Variants in SDCCAG8 observed in about 807,000 individuals in gnomAD.
The protein encoded by SDCCAG8 is serologically defined colon cancer antigen 8.
In SDCCAG8, 74 loss-of-function variants were observed where a neutral mutation model predicts 101.8. The ratio of observed to expected loss-of-function variants is 0.73; its 90% CI spans 0.60 to 0.88. The LOEUF is 0.88. Among genes scored for constraint, SDCCAG8 ranks in the 40% least tolerant of loss-of-function variants. The probability of loss-of-function intolerance (pLI) is 0.00; values close to 1 mark genes in which losing one functional copy is unlikely to be tolerated. For missense variants in SDCCAG8, 787 were observed against 822.6 expected, an observed-to-expected ratio of 0.96 and a Z score of 0.53; for synonymous variants, 281 against 292.9, an observed-to-expected ratio of 0.96 and a Z score of 0.41.
chr1:243,306,813 G>GT (rs955584452), intron 7 of SDCCAG8, among the ~76,000 whole-genome samples: 158 of 151,172 alleles, frequency 1.0e-3, no homozygotes, highest in South Asian at 2.1e-3. Flanking sequence ...CCATTCCAAA[G>GT]TTTTTTTTTA....
At position 243,378,792 on chromosome 1, in the gene SDCCAG8, C is replaced by T; in HGVS notation, c.1545C>T (p.Ala515=). 6.2e-7 allele frequency: 1 copy of T among 1,613,988 alleles called. No homozygotes were observed. Among genetic ancestry groups the T allele is most frequent in the East Asian group, 2.2e-5 (1 of 44,882 alleles). The change falls in exon 13 of 18, where the codon GCC becomes GCT. Residue 515 remains alanine (A), a synonymous_variant. Coordinates refer to ENST00000366541, the MANE Select transcript of SDCCAG8 (RefSeq NM_006642.5). ...TGGAACAGGAGCAGCAGAAGGCAGC[C>T]CTGGCCAGAGAGGAGTGCCTGAGAC... is the stretch of plus-strand genomic sequence containing the variant. The part of the protein sequence containing the change: ...QHLEQEQQKA[A]LAREECLRLT...
chr1:243,400,488 A>G (rs1368929954), intron 13 of SDCCAG8, among the ~76,000 whole-genome samples: 1 of 152,158 alleles, frequency 6.6e-6, no homozygotes, highest in African/African-American at 2.4e-5. Flanking sequence ...GAAAGAGTAG[A>G]TAGGTTGGTA....
intron 15 of SDCCAG8, among the ~76,000 whole-genome samples, chr1:243,422,910 A>G (rs1297928415): frequency 6.6e-6 from 1 of 152,184 alleles, no homozygotes; most frequent in Non-Finnish European, 1.5e-5. Context: ...TGAATTTTCT[A>G]TGAAAATGGA....
intron 1 of SDCCAG8, among the ~76,000 whole-genome samples, chr1:243,262,863 G>A (rs544521978): frequency 9.2e-5 from 14 of 152,326 alleles, no homozygotes; most frequent in African/African-American, 3.1e-4. Flanking sequence ...TGATGATGGC[G>A]GAACTTCATC....
intron 13 of SDCCAG8, among the ~76,000 whole-genome samples, chr1:243,410,393 G>T (rs1404811519): frequency 6.6e-6 from 1 of 152,118 alleles, no homozygotes; most frequent in Non-Finnish European, 1.5e-5. Context: ...TGCCCCTTCT[G>T]TCTGTATTCC....
At chr1:243,402,434 AC>A (rs1476727704) in intron 13 of SDCCAG8, among the ~76,000 whole-genome samples, 2 of 152,008 alleles carry the variant, frequency 1.3e-5, no homozygotes, top group African/African-American at 4.8e-5. Context: ...GCAAAAGGAA[AC>A]AGGTGAAATT....
At chr1:243,355,426 T>C (rs1044566754) in intron 12 of SDCCAG8, among the ~76,000 whole-genome samples, 3 of 151,998 alleles carry the variant, frequency 2.0e-5, no homozygotes, top group Admixed American at 2.0e-4. Context: ...TCATTGAAAA[T>C]TCCCATTAAA....
intron 16 of SDCCAG8, among the ~76,000 whole-genome samples, chr1:243,469,140 T>C (rs1660722569): frequency 6.6e-6 from 1 of 152,236 alleles, no homozygotes; most frequent in South Asian, 2.1e-4. Flanking sequence ...CACATATCAA[T>C]GATGATAACC....
At chr1:243,319,522 C>T (rs151307730) in intron 9 of SDCCAG8, among the ~76,000 whole-genome samples, 139 of 151,962 alleles carry the variant, frequency 9.1e-4, no homozygotes, top group African/African-American at 3.0e-3. Flanking sequence ...TACAGGCATG[C>T]GCCACCATGC....
chr1:243,489,540 A>G (rs1361225623), intron 17 of SDCCAG8, among the ~76,000 whole-genome samples: 1 of 152,188 alleles, frequency 6.6e-6, no homozygotes, highest in Non-Finnish European at 1.5e-5. Context: ...TTGAGGAAAG[A>G]GGTGTTCCCA....
At chr1:243,302,128 A>G (rs1479277594) in intron 6 of SDCCAG8, among the ~76,000 whole-genome samples, 19 of 152,076 alleles carry the variant, frequency 1.2e-4, no homozygotes, top group Non-Finnish European at 1.9e-4. Flanking sequence ...CGTGCCTGTA[A>G]TCCCAGCTAC....
intron 13 of SDCCAG8, among the ~76,000 whole-genome samples, chr1:243,392,294 T>C (rs1397381777): frequency 6.6e-6 from 1 of 152,244 alleles, no homozygotes; most frequent in East Asian, 1.9e-4. Flanking sequence ...AAGCTCTTTA[T>C]GGCAAGGCTA....
chr1:243,378,885 C>T (rs754654523), intron 13 of SDCCAG8, 22 bp downstream of exon 13: 55 of 1,613,722 alleles, frequency 3.4e-5, no homozygotes, highest in South Asian at 1.5e-4. Context: ...TCCCATTATG[C>T]GCCATAGCAC....
intron 12 of SDCCAG8, among the ~76,000 whole-genome samples, chr1:243,361,113 G>A (rs928145562): frequency 6.6e-6 from 1 of 152,062 alleles, no homozygotes; most frequent in Non-Finnish European, 1.5e-5. Context: ...TTCCTCTCAG[G>A]TTTATGTCAC....
intron 13 of SDCCAG8, among the ~76,000 whole-genome samples, chr1:243,414,974 C>T (rs1020647933): frequency 6.6e-6 from 1 of 151,954 alleles, no homozygotes; most frequent in Non-Finnish European, 1.5e-5. Flanking sequence ...AAGTTTCTCT[C>T]TTTGGAGCCA....
At chr1:243,370,412 T>G (rs1232948718) in intron 12 of SDCCAG8, among the ~76,000 whole-genome samples, 1 of 152,128 alleles carries the variant, frequency 6.6e-6, no homozygotes, top group East Asian at 1.9e-4. Flanking sequence ...TTTTTTTCCA[T>G]TTTTAGCAAA....
intron 16 of SDCCAG8, among the ~76,000 whole-genome samples, chr1:243,431,334 T>G (rs1463582629): frequency 6.6e-6 from 1 of 152,130 alleles, no homozygotes; most frequent in African/African-American, 2.4e-5. Context: ...CAGCAGGAGT[T>G]ACTTGATTGG....
chr1:243,424,749 CTATGA>C (rs1243845344), intron 15 of SDCCAG8, among the ~76,000 whole-genome samples: 1 of 151,944 alleles, frequency 6.6e-6, no homozygotes, highest in East Asian at 1.9e-4. Flanking sequence ...TCACACAAAC[CTATGA>C]TATATTTTAA....
chr1:243,413,942 C>T (rs1409331976), intron 13 of SDCCAG8, among the ~76,000 whole-genome samples: 1 of 152,204 alleles, frequency 6.6e-6, no homozygotes, highest in Non-Finnish European at 1.5e-5. Context: ...TCCAGCTACA[C>T]GTTAAGATAG....
Sources: gnomAD v4.1 joint callset for allele counts (sites outside exome capture counted in the v4.1 genomes callset) on GRCh38, gnomAD v4.1.1 for gene constraint, MANE v1.5 for transcripts, NCBI Gene and HGNC (gene_info 2026-07-23, HGNC 2026-07-21) for gene names.